Variants in DPP6 observed in about 807,000 individuals in gnomAD.
DPP6 encodes the protein dipeptidyl peptidase like 6.
In DPP6, 69 loss-of-function variants were observed where a neutral mutation model predicts 122.6. That is an observed-to-expected ratio of 0.56 (90% CI 0.46 to 0.69). The LOEUF (loss-of-function observed/expected upper bound fraction) is 0.69. Among genes scored for constraint, DPP6 ranks in the 30% least tolerant of loss-of-function variants. DPP6 has a pLI of 0.00. For synonymous variants in DPP6, 418 were observed against 433.1 expected, an observed-to-expected ratio of 0.97 and a Z score of 0.43; for missense variants, 928 against 1,116.9, an observed-to-expected ratio of 0.83 and a Z score of 2.41.
the DPP6 span, among the ~76,000 whole-genome samples, chr7:153,778,986 A>G: frequency 6.1e-5 from 9 of 147,546 alleles, no homozygotes; most frequent in Non-Finnish European, 1.3e-4. Flanking sequence ...GCAGTGGAAC[A>G]CTACTCAGCT....
chr7:154,590,416 A>G (rs1444717323), intron 5 of DPP6, among the ~76,000 whole-genome samples: 2 of 151,098 alleles, frequency 1.3e-5, no homozygotes, highest in Non-Finnish European at 2.9e-5. Flanking sequence ...AGAACCTCTC[A>G]GTATTGTAAC....
chr7:154,369,965 C>CATTT (rs36198177), intron 1 of DPP6, among the ~76,000 whole-genome samples: 62,470 of 145,616 alleles, frequency 0.43, 13,530 homozygotes, highest in African/African-American at 0.46. Flanking sequence ...CAGATATATG[C>CATTT]ATTTATTTAT....
chr7:153,967,121 G>C (rs956444042), intron 1 of DPP6, among the ~76,000 whole-genome samples: 1 of 151,994 alleles, frequency 6.6e-6, no homozygotes, highest in Non-Finnish European at 1.5e-5. Flanking sequence ...GTCAGAAGCA[G>C]ATGCTAAAGA....
Position 154,241,192 on chromosome 7 carries a change from T to TGTGTGC in DPP6, c.243+188134_243+188135insCGTGTG, listed in dbSNP as rs1801578997. ...AGGTAATTCAATATCAATATGTGTG[T>TGTGTGC]GTGTGTGTGTGTGTGTGTGTGTGTG... On this transcript the variant is annotated intron_variant, in intron 1 of 25. Transcript: ENST00000377770. This position sits in a 1 kb window ranked among gnomAD's most constrained non-coding sequence, Gnocchi z 9.0. 6.9e-6 allele frequency among the ~76,000 whole-genome samples: 1 copy of TGTGTGC among 145,476 alleles called. No homozygotes were observed. The highest frequency in any genetic ancestry group is 1.5e-5 in the Non-Finnish European group (1 of 67,700).
intron 21 of DPP6, 140 bp downstream of exon 21, chr7:154,881,082 G>A: frequency 1.5e-6 from 2 of 1,324,474 alleles, no homozygotes; most frequent in Non-Finnish European, 2.0e-6. Context: ...GAGCCTGGGT[G>A]CTTAGTGATT....
intron 5 of DPP6, among the ~76,000 whole-genome samples, chr7:154,630,337 G>A (rs541856620): frequency 1.1e-4 from 16 of 152,332 alleles, no homozygotes; most frequent in Admixed American, 5.2e-4. Context: ...AACTAGGGCC[G>A]TGCTAGAGGG....
At chr7:154,862,811 G>A (rs1317130568) in intron 17 of DPP6, among the ~76,000 whole-genome samples, 1 of 152,220 alleles carries the variant, frequency 6.6e-6, no homozygotes, top group African/African-American at 2.4e-5. Flanking sequence ...CTGCCCTCAA[G>A]TTGCTTAAAA....
intron 1 of DPP6, among the ~76,000 whole-genome samples, chr7:154,292,322 G>A (rs1319255818): frequency 6.6e-6 from 1 of 152,184 alleles, no homozygotes; most frequent in Admixed American, 6.5e-5. Flanking sequence ...GGTGGGCTTT[G>A]AGAACTCATC....
the DPP6 span, among the ~76,000 whole-genome samples, chr7:153,767,462 G>A: frequency 1.3e-5 from 2 of 151,932 alleles, no homozygotes; most frequent in Non-Finnish European, 2.9e-5. Flanking sequence ...CTGTCTCCCA[G>A]GTTCAAGTGA....
At chr7:154,349,919 G>T (rs1177575022) in intron 1 of DPP6, among the ~76,000 whole-genome samples, 1 of 152,180 alleles carries the variant, frequency 6.6e-6, no homozygotes, top group Non-Finnish European at 1.5e-5. Context: ...TTTCACATGG[G>T]TAATCCTTTG....
At chr7:153,810,256 G>T in the DPP6 span, among the ~76,000 whole-genome samples, 3 of 152,096 alleles carry the variant, frequency 2.0e-5, no homozygotes, top group African/African-American at 7.2e-5. Context: ...TTCTGGTGTT[G>T]ACACATGACT....
At chr7:154,868,652 G>T (rs1394728276) in intron 18 of DPP6, among the ~76,000 whole-genome samples, 1 of 152,200 alleles carries the variant, frequency 6.6e-6, no homozygotes, top group Non-Finnish European at 1.5e-5. Flanking sequence ...GCGTTGCTAA[G>T]CACTAAACAC....
At chr7:154,774,729 T>A (rs982135647) in intron 10 of DPP6, among the ~76,000 whole-genome samples, 5 of 152,216 alleles carry the variant, frequency 3.3e-5, no homozygotes, top group Non-Finnish European at 5.9e-5. Context: ...CCAGGCTCAA[T>A]GTAGAGCAGA....
intron 25 of DPP6, among the ~76,000 whole-genome samples, chr7:154,891,835 C>A (rs1206279392): frequency 6.6e-6 from 1 of 152,192 alleles, no homozygotes; most frequent in African/African-American, 2.4e-5. Context: ...ATCCTCCCGC[C>A]TCGGCCTGCC....
chr7:154,223,598 A>T (rs1585670765), intron 1 of DPP6, among the ~76,000 whole-genome samples: 1 of 149,244 alleles, frequency 6.7e-6, no homozygotes, highest in Non-Finnish European at 1.5e-5. Flanking sequence ...TGAGTAGAAG[A>T]TGAAGAATGG....
At position 154,755,521 on chromosome 7, in the gene DPP6, G is replaced by A. The variant is rs928722992; in HGVS notation, c.884-13896G>A. ...AAGGGAAAAAATAAAGATAATAATAGTGTCTACCTGGAGTGATTGCGTTGA... is the reference window on the plus strand; with the variant it reads ...AAGGGAAAAAATAAAGATAATAATAATGTCTACCTGGAGTGATTGCGTTGA... On this transcript the variant is annotated intron_variant, in intron 8 of 25. Transcript: ENST00000377770. This position sits in a 1 kb window ranked among gnomAD's most constrained non-coding sequence, Gnocchi z 4.7. 2.4e-4 allele frequency among the ~76,000 whole-genome samples: 37 copies of A among 152,084 alleles called. No homozygotes were observed. Among genetic ancestry groups the A allele is most frequent in the African/African-American group, 8.2e-4 (34 of 41,404 alleles).
At chr7:154,080,023 G>A (rs1158035905) in intron 1 of DPP6, among the ~76,000 whole-genome samples, 4 of 150,748 alleles carry the variant, frequency 2.7e-5, no homozygotes, top group Admixed American at 1.3e-4. Context: ...TGAAACTTGT[G>A]GGCTGGGAAG....
At chr7:154,507,838 AT>A (rs34490238) in intron 3 of DPP6, among the ~76,000 whole-genome samples, 35,856 of 152,022 alleles carry the variant, frequency 0.24, 4,379 homozygotes, top group Middle Eastern at 0.3. Context: ...TTAAGATAAA[AT>A]TTGTCCCCAG....
chr7:154,429,180 T>TAAAA (rs34365501), intron 1 of DPP6, among the ~76,000 whole-genome samples: 3,071 of 146,146 alleles, frequency 0.021, 117 homozygotes, highest in African/African-American at 0.074. Flanking sequence ...CTTAATCTGT[T>TAAAA]AAAAAAAAAA....
Sources: allele counts gnomAD v4.1 joint callset (sites outside exome capture counted in the v4.1 genomes callset), GRCh38; gene constraint gnomAD v4.1.1; non-coding constraint Gnocchi (gnomAD v3.1); transcripts MANE v1.5; gene names NCBI Gene and HGNC (gene_info 2026-07-23, HGNC 2026-07-21).